Variants in TBC1D5 observed in about 807,000 individuals in gnomAD.
The protein encoded by TBC1D5 is TBC1 domain family member 5.
Under a neutral mutation model 100.3 loss-of-function variants are expected in TBC1D5, and 75 were observed. The ratio of observed to expected loss-of-function variants is 0.75; its 90% confidence interval spans 0.62 to 0.91. The LOEUF (loss-of-function observed/expected upper bound fraction) is 0.91, where lower values mean the gene tolerates loss of function less well. TBC1D5 is among the 40% of genes least tolerant of loss of function. The pLI, the probability that TBC1D5 is intolerant of heterozygous loss-of-function variation, is 0.00. For missense variants in TBC1D5, 910 were observed against 942.4 expected, an observed-to-expected ratio of 0.97 and a Z score of 0.45; for synonymous variants, 323 against 325.6, an observed-to-expected ratio of 0.99 and a Z score of 0.09.
chr3:17,324,199 G>A (rs534398257), intron 13 of TBC1D5, among the ~76,000 whole-genome samples: 4 of 152,316 alleles, frequency 2.6e-5, no homozygotes, highest in East Asian at 1.9e-4. Flanking sequence ...TAAGGGCAAC[G>A]ATTGTACAAC....
intron 8 of TBC1D5, among the ~76,000 whole-genome samples, chr3:17,401,153 A>C (rs771157283): frequency 2.0e-5 from 3 of 151,966 alleles, no homozygotes; most frequent in African/African-American, 4.8e-5. Flanking sequence ...TCTTTGGGTC[A>C]CTGGTTTGCC....
chr3:17,687,603 A>G (rs1277668835), intron 1 of TBC1D5, among the ~76,000 whole-genome samples: 2 of 152,160 alleles, frequency 1.3e-5, no homozygotes, highest in Non-Finnish European at 2.9e-5. Context: ...TAAGGGGCCC[A>G]AGTTCCTTCC....
intron 1 of TBC1D5, among the ~76,000 whole-genome samples, chr3:17,660,840 A>G (rs147043661): frequency 0.017 from 2,521 of 152,310 alleles, 52 homozygotes; most frequent in South Asian, 0.048. Context: ...GAACCACCAT[A>G]ATTTTTAGTA....
chr3:17,546,703 A>C (rs1388857004), intron 2 of TBC1D5, among the ~76,000 whole-genome samples: 1 of 151,660 alleles, frequency 6.6e-6, no homozygotes, highest in Admixed American at 6.6e-5. Flanking sequence ...GAATCTCTTG[A>C]ATCTGGGAGG....
rs112983382 is a variant in TBC1D5 at position 17,480,548 on chromosome 3, T to G, written c.97+27926A>C. 2.3e-3 allele frequency among the ~76,000 whole-genome samples: 355 copies of G among 152,282 alleles called. 1 individual carries two copies. Among genetic ancestry groups the G allele is most frequent in the Non-Finnish European group, 4.3e-3 (295 of 68,012 alleles). Reference sequence around the variant, plus strand: ...AAGGAGTTACCCACCTTGGGTCTCCTCAATTCATGGTGACAAACTGCCTGT... The same window carrying G: ...AAGGAGTTACCCACCTTGGGTCTCCGCAATTCATGGTGACAAACTGCCTGT... On this transcript the variant is annotated intron_variant, in intron 3 of 21. Coordinates refer to ENST00000253692, the Ensembl canonical transcript of TBC1D5.
intron 4 of TBC1D5, among the ~76,000 whole-genome samples, chr3:17,424,356 G>A (rs1360880210): frequency 6.6e-6 from 1 of 151,978 alleles, no homozygotes; most frequent in Non-Finnish European, 1.5e-5. Flanking sequence ...GGAGAGGAGT[G>A]GCCTGTGCTA....
chr3:17,645,017 G>A (rs893641298), intron 1 of TBC1D5, among the ~76,000 whole-genome samples: 1 of 152,068 alleles, frequency 6.6e-6, no homozygotes, highest in Non-Finnish European at 1.5e-5. Context: ...ATTAAACGGG[G>A]TCACTGGGGA....
rs2125947128 is a variant in TBC1D5 at position 17,210,789 on chromosome 3, G to A, written c.1752+3418C>T. On this transcript the variant is annotated intron_variant, in intron 18 of 21. Coordinates refer to ENST00000253692, the Ensembl canonical transcript of TBC1D5. ...ATATTTGCTTTCTTTTATTTTCTCT[G>A]TTCACTCTGAAACTCCTATTTTAAA... Among the ~76,000 whole-genome samples, 3 of 151,756 alleles carry A rather than the reference G, an allele frequency of 2.0e-5. No individual in the cohort carries two copies. The South Asian group carries it at 6.2e-4, about 32-fold the overall frequency.
chr3:17,247,679 T>C (rs746302681), intron 16 of TBC1D5, among the ~76,000 whole-genome samples: 1 of 152,224 alleles, frequency 6.6e-6, no homozygotes, highest in Non-Finnish European at 1.5e-5. Flanking sequence ...CACATGATGC[T>C]ATTTGATAGC....
intron 9 of TBC1D5, among the ~76,000 whole-genome samples, chr3:17,383,147 A>G (rs1270592645): frequency 6.6e-6 from 1 of 152,094 alleles, no homozygotes; most frequent in East Asian, 1.9e-4. Context: ...AATTAAATAC[A>G]CTGCTTTTAC....
rs142251428 is a variant in TBC1D5, at chr3:17,314,762, G to A, written c.996-6628C>T. 7.7e-4 allele frequency among the ~76,000 whole-genome samples: 118 copies of A among 152,288 alleles called. 2 individuals are homozygous for A. The East Asian group carries it at 0.012, about 15-fold the overall frequency. Reference sequence around the variant, plus strand: ...CCTGTCGATATTTTGGCTTCAGGCTGTCAGAGCTCCTAAAATCTACCATGC... The same window carrying A: ...CCTGTCGATATTTTGGCTTCAGGCTATCAGAGCTCCTAAAATCTACCATGC... On this transcript the variant is annotated intron_variant, in intron 13 of 21. Transcript: ENST00000253692.
intron 13 of TBC1D5, among the ~76,000 whole-genome samples, chr3:17,343,833 T>A (rs1376042015): frequency 6.6e-6 from 1 of 152,178 alleles, no homozygotes; most frequent in Non-Finnish European, 1.5e-5. Context: ...TCATTTTTTA[T>A]TGTGTCTATT....
intron 3 of TBC1D5, among the ~76,000 whole-genome samples, chr3:17,444,001 A>G (rs1305386303): frequency 6.6e-6 from 1 of 151,974 alleles, no homozygotes; most frequent in East Asian, 1.9e-4. Flanking sequence ...TAAGTCTTCA[A>G]TGTAATCTAA....
intron 18 of TBC1D5, among the ~76,000 whole-genome samples, chr3:17,199,706 T>A (rs2071208173): frequency 6.6e-6 from 1 of 152,244 alleles, no homozygotes; most frequent in Non-Finnish European, 1.5e-5. Context: ...TGTTGCAAAC[T>A]GTCCCACCTT....
chr3:17,162,239 T>C (rs1344050798), intron 21 of TBC1D5, among the ~76,000 whole-genome samples: 1 of 152,156 alleles, frequency 6.6e-6, no homozygotes, highest in East Asian at 1.9e-4. Flanking sequence ...GTCTCAAGTC[T>C]AATGAGATAT....
intron 1 of TBC1D5, among the ~76,000 whole-genome samples, chr3:17,716,800 G>A (rs1236369676): frequency 1.3e-5 from 2 of 152,024 alleles, no homozygotes; most frequent in African/African-American, 4.8e-5. Flanking sequence ...TATTTGTAGA[G>A]CAGAGAGAAT....
chr3:17,326,687 T>G (rs2086190692), intron 13 of TBC1D5, among the ~76,000 whole-genome samples: 1 of 152,222 alleles, frequency 6.6e-6, no homozygotes, highest in African/African-American at 2.4e-5. Flanking sequence ...TTGCCCAGGT[T>G]GGGCTTGAAC....
chr3:17,722,672 C>T (rs1403988951), intron 1 of TBC1D5, among the ~76,000 whole-genome samples: 1 of 152,248 alleles, frequency 6.6e-6, no homozygotes, highest in Non-Finnish European at 1.5e-5. Context: ...ACCCACAATA[C>T]ACCTGCAAGG....
chr3:17,682,712 G>C lies in TBC1D5; in HGVS notation c.-101+56631C>G, dbSNP rs973178290. 4.0e-5 allele frequency among the ~76,000 whole-genome samples: 6 copies of C among 151,282 alleles called. 1 individual carries two copies. Among genetic ancestry groups the C allele is most frequent in the African/African-American group, 1.2e-4 (5 of 40,684 alleles). On this transcript the variant is annotated intron_variant, in intron 1 of 21. Transcript: ENST00000253692. ...CTCTTTCATTCTCAAAACTCTCCTG[G>C]ATTATAAGATAAATTATGTCATTAA...
Sources: allele counts gnomAD v4.1 joint callset (sites outside exome capture counted in the v4.1 genomes callset), GRCh38; gene constraint gnomAD v4.1.1; transcripts MANE v1.5; gene names NCBI Gene and HGNC (gene_info 2026-07-23, HGNC 2026-07-21).